The following VTI1A variants were observed in gnomAD, a reference collection of about 807,000 sequenced individuals.
The protein encoded by VTI1A is vesicle transport through interaction with t-SNAREs homolog 1A.
A neutral mutation model predicts 34.9 loss-of-function variants in VTI1A; 22 were observed. The observed-to-expected ratio is 0.63, with a 90% CI of 0.45 to 0.90. VTI1A has a LOEUF of 0.90. VTI1A is among the 40% of genes least tolerant of loss of function. VTI1A has a pLI of 0.00. For synonymous variants in VTI1A, 87 were observed against 97.3 expected, an observed-to-expected ratio of 0.89 and a Z score of 0.62; for missense variants, 268 against 275.6, an observed-to-expected ratio of 0.97 and a Z score of 0.20.
chr10:112,559,038 C>T (rs1024224520), intron 5 of VTI1A, among the ~76,000 whole-genome samples: 2 of 152,120 alleles, frequency 1.3e-5, no homozygotes, highest in Non-Finnish European at 1.5e-5. Flanking sequence ...TGCCAATGGG[C>T]GCTTAAGTGC....
At chr10:112,821,148 CTG>C (rs912874426), downstream of VTI1A, among the ~76,000 whole-genome samples, 2 of 152,218 alleles carry the variant, frequency 1.3e-5, no homozygotes, top group African/African-American at 2.4e-5. Flanking sequence ...GAGCTCTGGA[CTG>C]TGATTCCATG....
chr10:112,533,900 G>T (rs973980289), intron 4 of VTI1A, among the ~76,000 whole-genome samples: 30 of 152,036 alleles, frequency 2.0e-4, no homozygotes, highest in Non-Finnish European at 3.5e-4. Context: ...GTTTCTCAAA[G>T]AAGCTAGTAT....
At chr10:112,840,937 T>C in the VTI1A span, among the ~76,000 whole-genome samples, 1 of 152,114 alleles carries the variant, frequency 6.6e-6, no homozygotes, top group Non-Finnish European at 1.5e-5. Context: ...AATGAGCTAA[T>C]TGGGGTTAGA....
At chr10:112,643,170 T>TC (rs1590016394) in intron 5 of VTI1A, among the ~76,000 whole-genome samples, 1 of 148,272 alleles carries the variant, frequency 6.7e-6, no homozygotes, top group Non-Finnish European at 1.5e-5. Context: ...TTTTCTTTTT[T>TC]TTTTTTTGTA....
chr10:112,843,301 G>A, the VTI1A span, among the ~76,000 whole-genome samples: 2 of 152,234 alleles, frequency 1.3e-5, no homozygotes, highest in African/African-American at 2.4e-5. Flanking sequence ...ACAACATTCA[G>A]CAAAGCCACA....
rs373188296 is a variant in VTI1A at position 112,767,850 on chromosome 10, G to T, written c.561-47440G>T. Among the ~76,000 whole-genome samples, 11 of 152,252 alleles carry T rather than the reference G, an allele frequency of 7.2e-5. 1 individual carries two copies. In the East Asian group the frequency reaches 9.6e-4, roughly 13 times the overall value. ...TGATATAAAGGCCAAAATGTTCTGG[G>T]CCCTTCACCTCTTCCTAGGACCAGT... On this transcript the variant is annotated intron_variant, in intron 7 of 7. Coordinates refer to ENST00000393077, the MANE Select transcript of VTI1A (RefSeq NM_145206.4). The surrounding 1 kb of genome is among the most constrained non-coding windows in gnomAD (Gnocchi z 4.0).
chr10:112,601,575 G>A (rs369081535), intron 5 of VTI1A, among the ~76,000 whole-genome samples: 5 of 152,088 alleles, frequency 3.3e-5, no homozygotes, highest in African/African-American at 9.6e-5. Context: ...TAGTTGTTCC[G>A]TGCCTCATCC....
chr10:112,851,378 C>T, the VTI1A span, among the ~76,000 whole-genome samples: 4 of 152,316 alleles, frequency 2.6e-5, no homozygotes, highest in East Asian at 7.7e-4. Context: ...ATGTGTCATA[C>T]TCATGGTAAT....
At chr10:112,589,236 T>C (rs1408668162) in intron 5 of VTI1A, among the ~76,000 whole-genome samples, 1 of 152,168 alleles carries the variant, frequency 6.6e-6, no homozygotes, top group African/African-American at 2.4e-5. Flanking sequence ...TCCCACGTGT[T>C]GTGGGAGGGA....
chr10:112,494,933 A>T (rs1416666546), intron 3 of VTI1A, among the ~76,000 whole-genome samples: 1 of 152,204 alleles, frequency 6.6e-6, no homozygotes. Context: ...ATTAATGTTA[A>T]TATTGGGCTA....
chr10:112,837,510 T>G, the VTI1A span, among the ~76,000 whole-genome samples: 1 of 152,170 alleles, frequency 6.6e-6, no homozygotes, highest in South Asian at 2.1e-4. Flanking sequence ...GCAGCTGACA[T>G]GAAGACAGCC....
chr10:112,711,039 C>T (rs1462142456), intron 7 of VTI1A, among the ~76,000 whole-genome samples: 1 of 152,202 alleles, frequency 6.6e-6, no homozygotes, highest in Non-Finnish European at 1.5e-5. Flanking sequence ...CCACTGCATT[C>T]CATTTAAAGA....
the VTI1A span, among the ~76,000 whole-genome samples, chr10:112,843,790 C>A: frequency 6.6e-6 from 1 of 152,108 alleles, no homozygotes; most frequent in Non-Finnish European, 1.5e-5. Context: ...TCATAACCAC[C>A]CCCAATCCCC....
At chr10:112,523,480 GTAGTC>G (rs1850105789) in intron 3 of VTI1A, among the ~76,000 whole-genome samples, 1 of 152,012 alleles carries the variant, frequency 6.6e-6, no homozygotes, top group South Asian at 2.1e-4. Flanking sequence ...TTCTAACCAT[GTAGTC>G]TACCAAAGTA....
At chr10:112,804,800 G>C (rs1054447464) in intron 7 of VTI1A, among the ~76,000 whole-genome samples, 1 of 150,590 alleles carries the variant, frequency 6.6e-6, no homozygotes, top group South Asian at 2.1e-4. Context: ...ATGCCTTGTC[G>C]AAGACCACCA....
intron 7 of VTI1A, among the ~76,000 whole-genome samples, chr10:112,784,981 TG>T (rs1396722248): frequency 2.0e-5 from 3 of 152,218 alleles, no homozygotes; most frequent in African/African-American, 7.2e-5. Context: ...TCTGAAGCCA[TG>T]TGTTTTCACA....
intron 5 of VTI1A, among the ~76,000 whole-genome samples, chr10:112,540,721 A>C (rs2134261961): frequency 6.6e-6 from 1 of 152,314 alleles, no homozygotes; most frequent in Middle Eastern, 3.4e-3. Context: ...ATGGCTTGTC[A>C]ATCCATAGCT....
At chr10:112,628,138 G>A (rs1236320200) in intron 5 of VTI1A, among the ~76,000 whole-genome samples, 2 of 152,066 alleles carry the variant, frequency 1.3e-5, no homozygotes, top group Non-Finnish European at 2.9e-5. Flanking sequence ...CACCTCCAAG[G>A]TCTGTATAGA....
At chr10:112,598,102 C>CA (rs575232664) in intron 5 of VTI1A, among the ~76,000 whole-genome samples, 36 of 151,686 alleles carry the variant, frequency 2.4e-4, no homozygotes, top group African/African-American at 7.5e-4. Flanking sequence ...AGTAAATGCT[C>CA]AAAAAAAATA....
Sources: gnomAD v4.1 joint callset for allele counts (sites outside exome capture counted in the v4.1 genomes callset) on GRCh38, gnomAD v4.1.1 for gene constraint, Gnocchi (gnomAD v3.1) non-coding constraint, MANE v1.5 for transcripts, NCBI Gene and HGNC (gene_info 2026-07-23, HGNC 2026-07-21) for gene names.